RBMS3: variants seen among roughly 807,000 people sequenced by gnomAD.
RBMS3 encodes RNA binding motif single stranded interacting protein 3.
A neutral mutation model predicts 66.8 loss-of-function variants in RBMS3; 27 were observed. The ratio of observed to expected loss-of-function variants is 0.40; its 90% CI spans 0.30 to 0.56. The LOEUF is 0.56. Ranked by LOEUF, RBMS3 falls within the 20% of genes least tolerant of loss-of-function variation. RBMS3 has a pLI of 0.40. For missense variants in RBMS3, 513 were observed against 549.5 expected, an observed-to-expected ratio of 0.93 and a Z score of 0.66; for synonymous variants, 188 against 183.0, an observed-to-expected ratio of 1.03 and a Z score of -0.22.
chr3:29,418,437 C>T (rs1052739689), intron 1 of RBMS3, among the ~76,000 whole-genome samples: 1 of 152,028 alleles, frequency 6.6e-6, no homozygotes, highest in Non-Finnish European at 1.5e-5. Context: ...AATTAATGAC[C>T]AGTGGAATCC....
chr3:29,295,339 A>G (rs1337213695), intron 1 of RBMS3, among the ~76,000 whole-genome samples: 1 of 144,404 alleles, frequency 6.9e-6, no homozygotes, highest in African/African-American at 2.5e-5. Flanking sequence ...ACACACATAT[A>G]TATATACATA....
At chr3:29,937,355 A>G (rs1012129851) in intron 11 of RBMS3, among the ~76,000 whole-genome samples, 1 of 152,008 alleles carries the variant, frequency 6.6e-6, no homozygotes, top group Non-Finnish European at 1.5e-5. Context: ...TCTATGTACA[A>G]TATGCACACT....
At chr3:29,974,618 T>A (rs1164701894) in intron 12 of RBMS3, among the ~76,000 whole-genome samples, 1 of 151,412 alleles carries the variant, frequency 6.6e-6, no homozygotes, top group Admixed American at 6.6e-5. Flanking sequence ...CACAAAAGTA[T>A]AAAAAAATCC....
chr3:29,859,893 CACACACAT>C (rs1427317757), intron 6 of RBMS3, among the ~76,000 whole-genome samples: 6 of 152,278 alleles, frequency 3.9e-5, no homozygotes, highest in Admixed American at 1.3e-4. Context: ...GGCACACACA[CACACACAT>C]ACACACATAC....
chr3:29,659,743 A>G (rs1310745533), intron 4 of RBMS3, among the ~76,000 whole-genome samples: 2 of 152,144 alleles, frequency 1.3e-5, no homozygotes, highest in Non-Finnish European at 2.9e-5. Flanking sequence ...GGGGGTGGTT[A>G]CAGAGAGCTG....
chr3:29,456,280 G>A (rs906220121), intron 2 of RBMS3, among the ~76,000 whole-genome samples: 2 of 152,160 alleles, frequency 1.3e-5, no homozygotes, highest in Non-Finnish European at 2.9e-5. Flanking sequence ...TAATTCAGAA[G>A]AGTGAGAAAA....
intron 3 of RBMS3, among the ~76,000 whole-genome samples, chr3:29,537,277 C>T (rs922763958): frequency 6.6e-6 from 1 of 152,156 alleles, no homozygotes; most frequent in African/African-American, 2.4e-5. Context: ...AGGACTCTAA[C>T]TTTGGCCCTA....
At chr3:29,661,914 A>G (rs2050568952) in intron 4 of RBMS3, among the ~76,000 whole-genome samples, 1 of 152,202 alleles carries the variant, frequency 6.6e-6, no homozygotes, top group Non-Finnish European at 1.5e-5. Flanking sequence ...GGAAACCCAG[A>G]GCACTCACCT....
At chr3:29,803,483 G>T (rs893877531) in intron 6 of RBMS3, among the ~76,000 whole-genome samples, 2 of 152,048 alleles carry the variant, frequency 1.3e-5, no homozygotes, top group Non-Finnish European at 1.5e-5. Context: ...GGACAAAGGG[G>T]TGTTAAAGAC....
chr3:29,575,282 A>C (rs1270655071), intron 3 of RBMS3, among the ~76,000 whole-genome samples: 6 of 150,350 alleles, frequency 4.0e-5, no homozygotes, highest in Non-Finnish European at 7.4e-5. Context: ...CAAGGGTAAA[A>C]GTTTTTTTTT....
At chr3:29,390,143 T>C (rs1247592867) in intron 1 of RBMS3, among the ~76,000 whole-genome samples, 1 of 152,220 alleles carries the variant, frequency 6.6e-6, no homozygotes, top group East Asian at 1.9e-4. Flanking sequence ...TGTTATCAAA[T>C]TCCATTTTGA....
At chr3:29,551,802 A>G (rs968592148) in intron 3 of RBMS3, among the ~76,000 whole-genome samples, 1 of 152,194 alleles carries the variant, frequency 6.6e-6, no homozygotes, top group Non-Finnish European at 1.5e-5. Context: ...AAGTAAAAGG[A>G]ATTATCATCA....
intron 2 of RBMS3, among the ~76,000 whole-genome samples, chr3:29,482,645 TATC>T (rs926330982): frequency 2.6e-4 from 39 of 151,262 alleles, no homozygotes; most frequent in African/African-American, 8.7e-4. Context: ...AAATGAGGAA[TATC>T]ATCAGGCAAA....
intron 1 of RBMS3, among the ~76,000 whole-genome samples, chr3:29,324,228 C>G (rs116599966): frequency 0.013 from 2,004 of 152,216 alleles, 44 homozygotes; most frequent in African/African-American, 0.045. Context: ...CAGTTAGAAC[C>G]AGCAGTCACT....
intron 4 of RBMS3, among the ~76,000 whole-genome samples, chr3:29,735,075 A>G (rs1246126910): frequency 6.6e-6 from 1 of 152,114 alleles, no homozygotes; most frequent in Non-Finnish European, 1.5e-5. Flanking sequence ...AGCCTTTTTC[A>G]GAATTATGTT....
intron 3 of RBMS3, among the ~76,000 whole-genome samples, chr3:29,541,668 A>C (rs1021391032): frequency 4.6e-5 from 7 of 152,292 alleles, no homozygotes; most frequent in Admixed American, 3.9e-4. Context: ...GGGTCATGTC[A>C]AAATGTCATT....
At chr3:29,321,094 C>T (rs2034982546) in intron 1 of RBMS3, among the ~76,000 whole-genome samples, 2 of 152,166 alleles carry the variant, frequency 1.3e-5, no homozygotes, top group African/African-American at 4.8e-5. Flanking sequence ...AGGGCAGGAA[C>T]CTTAAGATAG....
chr3:29,313,561 T>C (rs2034503077), intron 1 of RBMS3, among the ~76,000 whole-genome samples: 1 of 151,642 alleles, frequency 6.6e-6, no homozygotes, highest in Non-Finnish European at 1.5e-5. Flanking sequence ...AATGTCACCA[T>C]ATTAGGGTGG....
chr3:29,365,104 T>TTAA (rs2037824073), intron 1 of RBMS3, among the ~76,000 whole-genome samples: 1 of 152,264 alleles, frequency 6.6e-6, no homozygotes. Flanking sequence ...TCCACTAATG[T>TTAA]TAATATCAAG....
Sources: allele counts gnomAD v4.1 joint callset (sites outside exome capture counted in the v4.1 genomes callset), GRCh38; gene constraint gnomAD v4.1.1; transcripts MANE v1.5; gene names NCBI Gene and HGNC (gene_info 2026-07-23, HGNC 2026-07-21).